The following VEGFC variants were observed in gnomAD, a reference collection of about 807,000 sequenced individuals.
VEGFC encodes the protein vascular endothelial growth factor C.
VEGFC carries 12 observed loss-of-function variants against 46.1 expected under a neutral mutation model. That is an observed-to-expected ratio of 0.26 (90% confidence interval 0.17 to 0.42). The LOEUF is 0.42. VEGFC is among the 10% of genes least tolerant of loss of function. The pLI is 1.00. For missense variants in VEGFC, 488 were observed against 529.4 expected (o/e 0.92, Z 0.77); for synonymous variants, 232 against 195.5 (o/e 1.19, Z -1.56).
chr4:176,769,966 A>T (rs966353742), intron 1 of VEGFC, among the ~76,000 whole-genome samples: 1 of 152,174 alleles, frequency 6.6e-6, no homozygotes, highest in Non-Finnish European at 1.5e-5. Flanking sequence ...ACTCCCTGAA[A>T]ATATTATTTC....
intron 1 of VEGFC, among the ~76,000 whole-genome samples, chr4:176,740,022 C>T (rs4624611): frequency 3.0e-4 from 4 of 13,294 alleles, no homozygotes; most frequent in Non-Finnish European, 1.1e-3. Context: ...ACTATATATT[C>T]GATATATCGA....
rs751112336 is a variant in VEGFC, at chr4:176,692,395, AAAAC to A, written c.705-4472_705-4469del. Among the ~76,000 whole-genome samples, 32 of 133,086 alleles carry A rather than the reference AAAAC, an allele frequency of 2.4e-4. 5 individuals carry two copies. Among genetic ancestry groups the A allele is most frequent in the East Asian group, 4.0e-4 (2 of 4,974 alleles). The allele number at this position is 133,086 out of a possible 152,430, so 87.3% of individuals were successfully genotyped here. A position where few individuals can be genotyped will look rare whatever the true frequency, so the allele number is the denominator to read the frequency against. The stretch of plus-strand genomic sequence containing the variant: ...GGCGACAGAGCGAGACTCCGTCTCA[AAAAC>A]AAACAAACAAACAAACAAAAAAAAA... On this transcript the variant is annotated intron_variant, in intron 4 of 6. Coordinates refer to ENST00000618562, the MANE Select transcript of VEGFC (RefSeq NM_005429.5).
chr4:176,763,620 T>C (rs2110914706), intron 1 of VEGFC, among the ~76,000 whole-genome samples: 1 of 152,328 alleles, frequency 6.6e-6, no homozygotes, highest in East Asian at 1.9e-4. Context: ...TTCTTTCACG[T>C]AATCAATATT....
At chr4:176,702,057 A>G (rs1253541281) in intron 4 of VEGFC, among the ~76,000 whole-genome samples, 1 of 152,140 alleles carries the variant, frequency 6.6e-6, no homozygotes, top group Non-Finnish European at 1.5e-5. Context: ...AGGCATTTGG[A>G]CTGAGGATCT....
At position 176,711,536 on chromosome 4, in the gene VEGFC, A is replaced by G; in HGVS notation, c.667T>C (p.Ser223Pro). The change falls in exon 4 of 7, where the codon TCC becomes CCC. Residue 223 changes from serine (S) to proline (P), a missense_variant. Physicochemically the swap from Ser to Pro is moderately conservative, Grantham distance 74. Coordinates refer to ENST00000618562, the MANE Select transcript of VEGFC (RefSeq NM_005429.5). The part of the protein sequence containing the change: ...SKLDVYRQVH[S>P]IIRRSLPATL... ...GCTGGCAGGGAACGTCTAATAATGG[A>G]ATGAACTTGTCTGTAAACATCCAGT... 6.2e-7 allele frequency: 1 copy of G among 1,613,362 alleles called. No individual in the cohort carries two copies. The highest frequency in any genetic ancestry group is 8.5e-7 in the Non-Finnish European group (1 of 1,179,560).
chr4:176,686,569 A>G (rs976052817), intron 6 of VEGFC, among the ~76,000 whole-genome samples: 1 of 152,204 alleles, frequency 6.6e-6, no homozygotes, highest in African/African-American at 2.4e-5. Context: ...CTTAAATAGT[A>G]GGATCAATTT....
intron 3 of VEGFC, among the ~76,000 whole-genome samples, chr4:176,715,605 A>G (rs1274482393): frequency 6.6e-6 from 1 of 152,146 alleles, no homozygotes; most frequent in South Asian, 2.1e-4. Context: ...TCAGTTAGAC[A>G]TGATTACAGT....
chr4:176,759,783 AC>A (rs1161808048), intron 1 of VEGFC, among the ~76,000 whole-genome samples: 3 of 152,104 alleles, frequency 2.0e-5, no homozygotes, highest in Non-Finnish European at 4.4e-5. Flanking sequence ...CAAATACATC[AC>A]TAGAACAAGA....
chr4:176,722,821 C>G (rs35134088), intron 3 of VEGFC, among the ~76,000 whole-genome samples: 9 of 152,032 alleles, frequency 5.9e-5, no homozygotes, highest in Non-Finnish European at 1.3e-4. Flanking sequence ...TTTCTAAAGC[C>G]TAAACCTCTC....
chr4:176,694,438 A>C (rs1015261276), intron 4 of VEGFC, among the ~76,000 whole-genome samples: 13 of 152,022 alleles, frequency 8.6e-5, no homozygotes, highest in Non-Finnish European at 1.9e-4. Context: ...AACTATCCTA[A>C]ATATATATGC....
chr4:176,771,830 C>T (rs1735727586), intron 1 of VEGFC, among the ~76,000 whole-genome samples: 1 of 152,174 alleles, frequency 6.6e-6, no homozygotes, highest in South Asian at 2.1e-4. Context: ...CATGATCACA[C>T]AGTGTGGGAT....
intron 3 of VEGFC, 122 bp from the exon 4 acceptor site, chr4:176,711,772 CA>C: frequency 4.5e-6 from 4 of 884,924 alleles, no homozygotes; most frequent in Non-Finnish European, 5.1e-6. Context: ...CTAGTGTACG[CA>C]GGACGCTATG....
At chr4:176,709,640 G>T (rs761981807) in intron 4 of VEGFC, among the ~76,000 whole-genome samples, 2 of 152,102 alleles carry the variant, frequency 1.3e-5, no homozygotes, top group Admixed American at 1.3e-4. Context: ...TCTGGGAATC[G>T]GACTTGGTGA....
intron 3 of VEGFC, among the ~76,000 whole-genome samples, chr4:176,715,306 C>T (rs1272002270): frequency 2.0e-5 from 3 of 152,142 alleles, no homozygotes; most frequent in African/African-American, 7.2e-5. Context: ...ATCCTCTATC[C>T]CTAAATTTTG....
At chr4:176,763,149 CTATT>C (rs1735560437) in intron 1 of VEGFC, among the ~76,000 whole-genome samples, 1 of 152,210 alleles carries the variant, frequency 6.6e-6, no homozygotes, top group African/African-American at 2.4e-5. Context: ...AAAGTGGTCT[CTATT>C]TATAGTGTCC....
At chr4:176,779,656 A>G (rs750178575) in intron 1 of VEGFC, among the ~76,000 whole-genome samples, 13 of 124,496 alleles carry the variant, frequency 1.0e-4, no homozygotes, top group Non-Finnish European at 1.7e-4. Context: ...TGAGGAGACC[A>G]TGCTCCTGGA....
chr4:176,768,491 C>CATACATATATATATATATAT (rs1553996841), intron 1 of VEGFC, among the ~76,000 whole-genome samples: 3 of 100,562 alleles, frequency 3.0e-5, no homozygotes, highest in South Asian at 5.0e-4. Flanking sequence ...ATGTTTTATA[C>CATACATATATATATATATAT]ATATATATAT....
At chr4:176,741,062 T>G (rs1735163793) in intron 1 of VEGFC, among the ~76,000 whole-genome samples, 1 of 152,000 alleles carries the variant, frequency 6.6e-6, no homozygotes, top group East Asian at 1.9e-4. Flanking sequence ...TAATTGTTCA[T>G]TGTCCAATAT....
chr4:176,760,589 C>A (rs1735512272), intron 1 of VEGFC, among the ~76,000 whole-genome samples: 1 of 152,144 alleles, frequency 6.6e-6, no homozygotes, highest in South Asian at 2.1e-4. Flanking sequence ...CACTCCACAG[C>A]AAGCTTTTTC....
Sources: allele counts gnomAD v4.1 joint callset (sites outside exome capture counted in the v4.1 genomes callset), GRCh38; gene constraint gnomAD v4.1.1; transcripts MANE v1.5; gene names NCBI Gene and HGNC (gene_info 2026-07-23, HGNC 2026-07-21).